Variants in SRGAP1 observed in about 807,000 individuals in gnomAD.
The protein encoded by SRGAP1 is SLIT-ROBO Rho GTPase-activating protein 1.
Under a neutral mutation model 121.9 loss-of-function variants are expected in SRGAP1, and 43 were observed. The ratio of observed to expected loss-of-function variants is 0.35; its 90% confidence interval spans 0.28 to 0.46. SRGAP1 has a LOEUF of 0.46. Ranked by LOEUF, SRGAP1 falls within the 20% of genes least tolerant of loss-of-function variation. The pLI, the probability that SRGAP1 is intolerant of heterozygous loss-of-function variation, is 1.00. For synonymous variants in SRGAP1, 447 were observed against 485.4 expected, an observed-to-expected ratio of 0.92 and a Z score of 1.04; for missense variants, 1,102 against 1,350.9, an observed-to-expected ratio of 0.82 and a Z score of 2.89.
At chr12:63,926,944 A>G (rs1450053745) in intron 1 of SRGAP1, among the ~76,000 whole-genome samples, 1 of 152,042 alleles carries the variant, frequency 6.6e-6, no homozygotes, top group African/African-American at 2.4e-5. Context: ...AAATTATTCC[A>G]TTTGTCATAT....
At chr12:63,955,054 G>A (rs1263421427) in intron 1 of SRGAP1, among the ~76,000 whole-genome samples, 5 of 151,928 alleles carry the variant, frequency 3.3e-5, no homozygotes, top group African/African-American at 4.8e-5. Flanking sequence ...GCGGTGGCTC[G>A]CGCCTATAAT....
At chr12:63,876,678 A>G (rs541813056) in intron 1 of SRGAP1, among the ~76,000 whole-genome samples, 1 of 152,318 alleles carries the variant, frequency 6.6e-6, no homozygotes, top group African/African-American at 2.4e-5. Context: ...AGAATGATGT[A>G]CGCTCATGTT....
intron 1 of SRGAP1, among the ~76,000 whole-genome samples, chr12:63,908,092 C>T (rs1437018152): frequency 6.6e-6 from 1 of 152,070 alleles, no homozygotes; most frequent in Non-Finnish European, 1.5e-5. Context: ...TATGCCAGTA[C>T]CACACTATCT....
At chr12:63,894,211 C>CT (rs202134463) in intron 1 of SRGAP1, among the ~76,000 whole-genome samples, 40 of 149,674 alleles carry the variant, frequency 2.7e-4, no homozygotes, top group Non-Finnish European at 5.1e-4. Context: ...ATTTTTCTTT[C>CT]TTTTTTTTTT....
intron 3 of SRGAP1, among the ~76,000 whole-genome samples, chr12:64,013,302 A>G (rs1324079080): frequency 6.6e-6 from 1 of 152,194 alleles, no homozygotes; most frequent in Non-Finnish European, 1.5e-5. Context: ...GACAGGAACC[A>G]TGTCCCCAGG....
chr12:63,966,677 T>G (rs2136386396), intron 1 of SRGAP1, among the ~76,000 whole-genome samples: 1 of 152,288 alleles, frequency 6.6e-6, no homozygotes, highest in South Asian at 2.1e-4. Flanking sequence ...TTTCTTAATT[T>G]AGGCTTAAAA....
intron 1 of SRGAP1, chr12:63,879,542 A>G (rs1347895200): frequency 6.6e-6 from 1 of 152,214 alleles, no homozygotes; most frequent in South Asian, 2.1e-4. Context: ...ATAAACACAT[A>G]CATTTTCTAA....
In SRGAP1 at chr12:64,044,674, C is replaced by CTTTTTT. The variant is rs558248193; in HGVS notation, c.801+1119_801+1124dup. On this transcript the variant is annotated intron_variant, in intron 6 of 21. Coordinates refer to ENST00000355086, the MANE Select transcript of SRGAP1 (RefSeq NM_020762.4). ...AGCTTATTAACACTCTGATGTGCCT[C>CTTTTTT]TTTTTTTTTTTTTTTTTTTTTTTTT... Among the ~76,000 whole-genome samples, 113 of 72,116 alleles carry CTTTTTT rather than the reference C, an allele frequency of 1.6e-3. 6 individuals carry two copies. Among genetic ancestry groups the CTTTTTT allele is most frequent in the African/African-American group, 4.6e-3 (100 of 21,750 alleles). 47.3% of individuals were successfully genotyped at this position (72,116 alleles called of 152,430 possible).
At chr12:63,847,253 G>A (rs1898932234) in intron 1 of SRGAP1, among the ~76,000 whole-genome samples, 1 of 152,128 alleles carries the variant, frequency 6.6e-6, no homozygotes, top group African/African-American at 2.4e-5. Context: ...AACCCAGGAG[G>A]CAGAGGTTAC....
intron 21 of SRGAP1, among the ~76,000 whole-genome samples, chr12:64,141,416 G>A (rs1409243665): frequency 6.6e-6 from 1 of 151,368 alleles, no homozygotes; most frequent in South Asian, 2.1e-4. Context: ...CCCGTCTCTA[G>A]TAAAAATACA....
rs67880496 is a variant in SRGAP1, at chr12:63,855,314, C to A, written c.67+10431C>A. 1.1e-4 allele frequency among the ~76,000 whole-genome samples: 17 copies of A among 151,734 alleles called. 1 individual carries two copies. Among genetic ancestry groups the A allele is most frequent in the Admixed American group, 1.1e-3 (17 of 15,220 alleles). Reference sequence around the variant, plus strand: ...TACTAGTACACATAATTTCCACTTACTTAACCAGTGGGAACTTAGTTACAT... The same window carrying A: ...TACTAGTACACATAATTTCCACTTAATTAACCAGTGGGAACTTAGTTACAT... On this transcript the variant is annotated intron_variant, in intron 1 of 21. Transcript: ENST00000355086.
At chr12:64,040,768 T>G (rs370751495) in intron 4 of SRGAP1, among the ~76,000 whole-genome samples, 3 of 152,156 alleles carry the variant, frequency 2.0e-5, no homozygotes, top group Non-Finnish European at 4.4e-5. Flanking sequence ...AAGAAAATAT[T>G]TATTAAGCAC....
intron 1 of SRGAP1, among the ~76,000 whole-genome samples, chr12:63,927,121 T>TA (rs2031289636): frequency 6.6e-6 from 1 of 152,180 alleles, no homozygotes; most frequent in African/African-American, 2.4e-5. Flanking sequence ...ACTATATACA[T>TA]ACGTATTTCA....
chr12:63,965,304 C>A (rs1194948754), intron 1 of SRGAP1, among the ~76,000 whole-genome samples: 1 of 152,012 alleles, frequency 6.6e-6, no homozygotes, highest in Non-Finnish European at 1.5e-5. Flanking sequence ...TAACCTAGAG[C>A]TTTGCGTATT....
chr12:64,103,014 C>T (rs1355920435), intron 15 of SRGAP1, among the ~76,000 whole-genome samples: 2 of 152,160 alleles, frequency 1.3e-5, no homozygotes, highest in African/African-American at 2.4e-5. Context: ...GAGACAGGCT[C>T]TCACTCTGTT....
intron 21 of SRGAP1, among the ~76,000 whole-genome samples, chr12:64,129,674 T>C (rs1565693835): frequency 6.6e-6 from 1 of 152,184 alleles, no homozygotes. Context: ...AACTGTCCTT[T>C]CCTATAACCG....
intron 3 of SRGAP1, among the ~76,000 whole-genome samples, chr12:64,012,870 A>G (rs1018368151): frequency 1.3e-5 from 2 of 151,982 alleles, no homozygotes; most frequent in Admixed American, 6.6e-5. Flanking sequence ...ATTTTTAATG[A>G]AATAGAATCC....
intron 1 of SRGAP1, among the ~76,000 whole-genome samples, chr12:63,923,534 T>C (rs1417079317): frequency 6.6e-6 from 1 of 152,212 alleles, no homozygotes; most frequent in African/African-American, 2.4e-5. Context: ...ATAATTAAGA[T>C]GATATTTAAT....
chr12:63,871,768 T>C (rs1452949057), intron 1 of SRGAP1: 3 of 1,235,034 alleles, frequency 2.4e-6, no homozygotes, highest in East Asian at 2.3e-5. Flanking sequence ...TCCTTTCTTT[T>C]CTTATATCCT....
Sources: allele counts gnomAD v4.1 joint callset (sites outside exome capture counted in the v4.1 genomes callset), GRCh38; gene constraint gnomAD v4.1.1; transcripts MANE v1.5; gene names NCBI Gene and HGNC (gene_info 2026-07-23, HGNC 2026-07-21).